Variants in MAB21L3 observed in about 807,000 individuals in gnomAD.
The protein encoded by MAB21L3 is mab-21 like 3.
In MAB21L3, 36 loss-of-function variants were observed where a neutral mutation model predicts 37.7. The observed-to-expected ratio is 0.96, with a 90% CI of 0.73 to 1.26. MAB21L3 has a LOEUF of 1.26. Among genes scored for constraint, MAB21L3 ranks in the 50% most tolerant of loss-of-function variants. MAB21L3 has a pLI of 0.00. For synonymous variants in MAB21L3, 186 were observed against 176.8 expected, an observed-to-expected ratio of 1.05 and a Z score of -0.41; for missense variants, 430 against 447.3, an observed-to-expected ratio of 0.96 and a Z score of 0.35.
In MAB21L3 at chr1:116,121,699, C is replaced by T. The variant is rs183066710; in HGVS notation, c.189+627C>T. ...GCCACTGAGAAGCTGCAGGAGCAGA[C>T]TGGCAACCCCTCTCCCTGCTAAAGA... is the stretch of plus-strand genomic sequence containing the variant. On this transcript the variant is annotated intron_variant, in intron 4 of 7. Transcript: ENST00000369500. Among the ~76,000 whole-genome samples, 56 of 152,294 alleles carry T rather than the reference C, an allele frequency of 3.7e-4. No homozygotes were observed. The Middle Eastern group carries it at 0.01, about 28-fold the overall frequency.
chr1:116,124,674 A>T (rs1378508360), intron 5 of MAB21L3, among the ~76,000 whole-genome samples: 1 of 152,162 alleles, frequency 6.6e-6, no homozygotes, highest in Non-Finnish European at 1.5e-5. Context: ...TAAAAAAGCA[A>T]ATTATTCACA....
chr1:116,111,591 G>A (rs138091387), intron 1 of MAB21L3, among the ~76,000 whole-genome samples, 38 bp from the exon 2 acceptor site: 1 of 149,934 alleles, frequency 6.7e-6, no homozygotes, highest in Non-Finnish European at 1.5e-5. Context: ...GCTTCAAGGA[G>A]ATCAGACCAT....
chr1:116,112,557 A>G lies in MAB21L3; in HGVS notation c.-59A>G. ...TATCTACTCACAAGTGTTGCACTCC[A>G]TTGAGAAAAAAAAAAAAACCAGGAA... On this transcript the variant is annotated 5_prime_UTR_variant, in exon 3 of 8. Coordinates refer to ENST00000369500, the MANE Select transcript of MAB21L3 (RefSeq NM_152367.3). 1.3e-6 allele frequency: 2 copies of G among 1,532,134 alleles called. No individual in the cohort carries two copies. The highest frequency in any genetic ancestry group is 2.3e-5 in the East Asian group (1 of 44,348). The allele number at this position is 1,532,134 out of a possible 1,614,324, so 94.9% of individuals were successfully genotyped here.
rs1434029189 is a variant in MAB21L3, at chr1:116,121,048, T to G, written c.165T>G (p.Ser55=). The G allele has an allele frequency of 6.2e-7, 1 of 1,613,824 alleles. No individual in the cohort carries two copies. Among genetic ancestry groups the G allele is most frequent in the Non-Finnish European group, 8.5e-7 (1 of 1,179,906 alleles). ...TTAGATTTCAAGCTGTGCCTTACTCTGACACGTACAATGAAAATATTAAGG... is the reference window on the plus strand; with the variant it reads ...TTAGATTTCAAGCTGTGCCTTACTCGGACACGTACAATGAAAATATTAAGG... The part of the protein sequence containing the change: ...QDIRFQAVPY[S]DTYNENIKVL... The change falls in exon 4 of 8, where the codon TCT becomes TCG. Residue 55 remains serine, a synonymous_variant. Transcript: ENST00000369500.
At position 116,121,012 on chromosome 1, in the gene MAB21L3, C is replaced by T; in HGVS notation, c.129C>T (p.Ser43=). 1 of 1,614,164 alleles carries T rather than the reference C, an allele frequency of 6.2e-7. No homozygotes were observed. The highest frequency in any genetic ancestry group is 1.1e-5 in the South Asian group (1 of 91,078). The change falls in exon 4 of 8, where the codon AGC becomes AGT. Residue 43 remains serine, a synonymous_variant. Coordinates refer to ENST00000369500, the MANE Select transcript of MAB21L3 (RefSeq NM_152367.3). Reference sequence around the variant, plus strand: ...TTCATCATTTGACCACAAACATCAGCAACCAAGACATTAGATTTCAAGCTG... The same window carrying T: ...TTCATCATTTGACCACAAACATCAGTAACCAAGACATTAGATTTCAAGCTG... ...KVVHHLTTNI[S]NQDIRFQAVP...
At chr1:116,124,378 T>C in intron 5 of MAB21L3, 21 bp downstream of exon 5, 1 of 1,596,584 alleles carries the variant, frequency 6.3e-7, no homozygotes, top group Non-Finnish European at 8.5e-7. Flanking sequence ...CAGGAACAAG[T>C]GCAAGGGTAA....
Position 116,117,158 on chromosome 1 carries a change from CATACATATATATATATAT to C in MAB21L3, c.49-3770_49-3753del, listed in dbSNP as rs1311953219. The stretch of plus-strand genomic sequence containing the variant: ...TTATTAACTCAGGAATCAAAATATA[CATACATATATATATATAT>C]ATATATATATATATATGTATAGTCA... On this transcript the variant is annotated intron_variant, in intron 3 of 7. Transcript: ENST00000369500. Among the ~76,000 whole-genome samples, 140 of 86,072 alleles carry C rather than the reference CATACATATATATATATAT, an allele frequency of 1.6e-3. 2 individuals carry two copies. Among genetic ancestry groups the C allele is most frequent in the African/African-American group, 7.4e-3 (127 of 17,122 alleles). 56.5% of individuals were successfully genotyped at this position (86,072 alleles called of 152,430 possible).
At chr1:116,121,215 T>C in intron 4 of MAB21L3, 143 bp downstream of exon 4, 1 of 904,946 alleles carries the variant, frequency 1.1e-6, no homozygotes. Flanking sequence ...GTTTTTACTA[T>C]TTACAGTCTC....
rs1659966538 is a variant in MAB21L3 at position 116,128,216 on chromosome 1, G to A, written c.732G>A (p.Val244=). ...TGAGCTTCCTCCGTGCTGAGCAGGT[G>A]TTACTGGAACAGCTGGATGAAGATG... ...WQLSFLRAEQ[V]LLEQLDEDGG... The change falls in exon 7 of 8, where the codon GTG becomes GTA. Residue 244 remains valine, a synonymous_variant. Coordinates refer to ENST00000369500, the MANE Select transcript of MAB21L3 (RefSeq NM_152367.3). 1 of 1,614,054 alleles carries A rather than the reference G, an allele frequency of 6.2e-7. No individual in the cohort carries two copies. Among genetic ancestry groups the A allele is most frequent in the Non-Finnish European group, 8.5e-7 (1 of 1,180,030 alleles).
intron 3 of MAB21L3, among the ~76,000 whole-genome samples, chr1:116,115,842 G>A (rs767543770): frequency 2.6e-5 from 4 of 152,230 alleles, no homozygotes; most frequent in Admixed American, 1.3e-4. Flanking sequence ...GGGGAAAGCA[G>A]CCCAAGATGG....
At chr1:116,112,066 T>C (rs1220874424) in intron 2 of MAB21L3, among the ~76,000 whole-genome samples, 3 of 152,218 alleles carry the variant, frequency 2.0e-5, no homozygotes, top group Admixed American at 6.5e-5. Context: ...GTTTCCTATT[T>C]GTTTATTGTA....
rs2101621876 is a variant in MAB21L3, at chr1:116,136,101, C to G, written c.*2736C>G. On this transcript the variant is annotated 3_prime_UTR_variant, in exon 8 of 8. Coordinates refer to ENST00000369500, the MANE Select transcript of MAB21L3 (RefSeq NM_152367.3). ...GATGCCCTCTCTCACCACTCCTATT[C>G]AACATAGTGTTGGAAGTTCTGGCCA... Among the ~76,000 whole-genome samples the G allele has an allele frequency of 6.8e-6, 1 of 146,042 alleles. No individual in the cohort carries two copies. Among genetic ancestry groups the G allele is most frequent in the East Asian group, 2.0e-4 (1 of 4,992 alleles).
chr1:116,122,909 C>T (rs1659792374), intron 4 of MAB21L3, among the ~76,000 whole-genome samples: 1 of 152,160 alleles, frequency 6.6e-6, no homozygotes, highest in Admixed American at 6.5e-5. Context: ...GATGTTTTTC[C>T]TCTTTTTAAA....
chr1:116,128,324 G>A lies in MAB21L3; in HGVS notation c.840G>A (p.Thr280=), dbSNP rs148441950. 16 of 1,612,148 alleles carry A rather than the reference G, an allele frequency of 9.9e-6. No individual in the cohort carries two copies. Among genetic ancestry groups the A allele is most frequent in the African/African-American group, 5.3e-5 (4 of 74,818 alleles). ...GCCCAGGGAACAGGCCGGTTATCACGTCCCACCATCTGCAGGTGAGTGTGG... is the reference window on the plus strand; with the variant it reads ...GCCCAGGGAACAGGCCGGTTATCACATCCCACCATCTGCAGGTGAGTGTGG... ...IWCPGNRPVI[T]SHHLQTVLFW... The change falls in exon 7 of 8, where the codon ACG becomes ACA. Residue 280 remains threonine, a synonymous_variant. Transcript: ENST00000369500.
rs1213118225 is a variant in MAB21L3, at chr1:116,135,431, G to A, written c.*2066G>A. On this transcript the variant is annotated 3_prime_UTR_variant, in exon 8 of 8. Transcript: ENST00000369500. Reference sequence around the variant, plus strand: ...CACTCTCCCAAGACTAAACCAGGAAGAAGTTGAATCTCTGAATAGACCAAT... The same window carrying A: ...CACTCTCCCAAGACTAAACCAGGAAAAAGTTGAATCTCTGAATAGACCAAT... Among the ~76,000 whole-genome samples the A allele has an allele frequency of 1.3e-5, 2 of 151,972 alleles. No homozygotes were observed. Among genetic ancestry groups the A allele is most frequent in the Admixed American group, 6.6e-5 (1 of 15,266 alleles).
At chr1:116,113,738 T>A (rs1659493504) in intron 3 of MAB21L3, among the ~76,000 whole-genome samples, 1 of 152,214 alleles carries the variant, frequency 6.6e-6, no homozygotes, top group South Asian at 2.1e-4. Flanking sequence ...TTTCTGTCTT[T>A]CCAGGGGAAA....
Position 116,124,320 on chromosome 1 carries a change from G to C in MAB21L3, c.444G>C (p.Lys148Asn). 1.2e-6 allele frequency: 2 copies of C among 1,613,996 alleles called. No individual in the cohort carries two copies. The highest frequency in any genetic ancestry group is 8.5e-7 in the Non-Finnish European group (1 of 1,180,016). The change falls in exon 5 of 8, where the codon AAG (lysine) becomes AAC (asparagine). Residue 148 changes from lysine to asparagine, a missense_variant. Transcript: ENST00000369500. ...VPAKVLLVFRKLVENAVRTCH... is the reference protein window; with the variant it reads ...VPAKVLLVFRNLVENAVRTCH... ...CCAAGGTCCTCCTAGTGTTCCGGAA[G>C]CTGGTGGAAAATGCAGTTAGAACCT...
chr1:116,115,885 G>A (rs1250812296), intron 3 of MAB21L3, among the ~76,000 whole-genome samples: 1 of 152,148 alleles, frequency 6.6e-6, no homozygotes, highest in Admixed American at 6.5e-5. Flanking sequence ...AGACATGCCT[G>A]GGAAGAGCAA....
chr1:116,125,913 T>G (rs1200443130), intron 5 of MAB21L3, among the ~76,000 whole-genome samples: 1 of 148,236 alleles, frequency 6.7e-6, no homozygotes, highest in Non-Finnish European at 1.5e-5. Flanking sequence ...CAGCATCGGC[T>G]CACCTCTTAT....
Sources: gnomAD v4.1 joint callset for allele counts (sites outside exome capture counted in the v4.1 genomes callset) on GRCh38, gnomAD v4.1.1 for gene constraint, MANE v1.5 for transcripts, NCBI Gene and HGNC (gene_info 2026-07-23, HGNC 2026-07-21) for gene names.